Variants in CDH22 observed in about 807,000 individuals in gnomAD.
CDH22 encodes the protein cadherin 22.
In CDH22, 30 loss-of-function variants were observed where a neutral mutation model predicts 58.4. The observed-to-expected ratio is 0.51, with a 90% CI of 0.38 to 0.70. The LOEUF is 0.70. CDH22 is among the 30% of genes least tolerant of loss of function. CDH22 has a pLI of 0.00. For synonymous variants in CDH22, 513 were observed against 558.2 expected, an observed-to-expected ratio of 0.92 and a Z score of 1.14; for missense variants, 1,014 against 1,233.9, an observed-to-expected ratio of 0.82 and a Z score of 2.67.
intron 1 of CDH22, among the ~76,000 whole-genome samples, chr20:46,296,596 G>A (rs1436252331): frequency 1.3e-5 from 2 of 152,220 alleles, no homozygotes; most frequent in African/African-American, 4.8e-5. Context: ...GGTGAGCAAA[G>A]GTTTGCAGGT....
chr20:46,260,790 TTGTCATCTGGCTTTCCCC>T lies in CDH22; in HGVS notation c.-399-9115_-399-9098del, dbSNP rs2086429553. Among the ~76,000 whole-genome samples, 5 of 152,236 alleles carry T rather than the reference TTGTCATCTGGCTTTCCCC, an allele frequency of 3.3e-5. No homozygotes were observed. In the South Asian group the frequency reaches 8.3e-4, roughly 25 times the overall value. On this transcript the variant is annotated intron_variant, in intron 1 of 11. Transcript: ENST00000537909. ...CAGCTTGGTGGCTCCAGGCTCTCCCTTGTCATCTGGCTTTCCCCTGTCATCTGGCTTTCCGCCTATGGA... is the reference window on the plus strand; with the variant it reads ...CAGCTTGGTGGCTCCAGGCTCTCCCTTGTCATCTGGCTTTCCGCCTATGGA...
chr20:46,264,686 G>C (rs1024253616), intron 1 of CDH22, among the ~76,000 whole-genome samples: 1 of 152,100 alleles, frequency 6.6e-6, no homozygotes, highest in Admixed American at 6.5e-5. Context: ...TGCTGGAAAG[G>C]ACAGGCCTGC....
At chr20:46,306,342 G>GA (rs936148895) in intron 1 of CDH22, among the ~76,000 whole-genome samples, 64 of 152,256 alleles carry the variant, frequency 4.2e-4, no homozygotes, top group Non-Finnish European at 7.6e-4. Flanking sequence ...GCCAATCCTT[G>GA]AAAATGGAAA....
intron 1 of CDH22, among the ~76,000 whole-genome samples, chr20:46,306,663 G>A (rs552811803): frequency 6.6e-6 from 1 of 152,222 alleles, no homozygotes; most frequent in Non-Finnish European, 1.5e-5. Context: ...GAAATGGCTG[G>A]GGCAGGGAAC....
chr20:46,265,213 C>T (rs988084034), intron 1 of CDH22, among the ~76,000 whole-genome samples: 7 of 152,306 alleles, frequency 4.6e-5, no homozygotes, highest in South Asian at 4.1e-4. Context: ...TTTACAAACG[C>T]GTCCGGATGG....
At chr20:46,275,149 CA>C (rs2086511364) in intron 1 of CDH22, among the ~76,000 whole-genome samples, 2 of 152,290 alleles carry the variant, frequency 1.3e-5, no homozygotes, top group African/African-American at 2.4e-5. Flanking sequence ...GTACAAAAGC[CA>C]GTGTTTCTAT....
chr20:46,222,068 CCT>C (rs912359330), intron 4 of CDH22, among the ~76,000 whole-genome samples: 93 of 152,284 alleles, frequency 6.1e-4, no homozygotes, highest in Non-Finnish European at 5.7e-4. Context: ...CCTCTCTGAG[CCT>C]CTGTTTCCTC....
intron 6 of CDH22, among the ~76,000 whole-genome samples, chr20:46,211,306 T>G (rs574805508): frequency 2.0e-5 from 3 of 152,228 alleles, no homozygotes; most frequent in Admixed American, 2.0e-4. Context: ...GCGATCTGAT[T>G]GGCAAGAGTG....
At chr20:46,207,540 G>A (rs1200634456) in intron 7 of CDH22, among the ~76,000 whole-genome samples, 1 of 152,228 alleles carries the variant, frequency 6.6e-6, no homozygotes. Context: ...CCACCAGCCC[G>A]GGTGGAAGGG....
intron 1 of CDH22, among the ~76,000 whole-genome samples, chr20:46,268,388 G>A (rs1052999906): frequency 6.6e-6 from 1 of 152,248 alleles, no homozygotes; most frequent in Non-Finnish European, 1.5e-5. Context: ...GCAGCTCCCC[G>A]AGGTCCCAGC....
At chr20:46,181,768 T>C (rs796537269) in intron 10 of CDH22, among the ~76,000 whole-genome samples, 203 of 61,852 alleles carry the variant, frequency 3.3e-3, no homozygotes, top group African/African-American at 9.1e-3. Flanking sequence ...TCTTTCTTTC[T>C]TTCTTTCTTT....
chr20:46,201,093 C>T (rs896507513), intron 7 of CDH22, among the ~76,000 whole-genome samples: 6 of 152,250 alleles, frequency 3.9e-5, no homozygotes, highest in Non-Finnish European at 8.8e-5. Flanking sequence ...CGGCGGCGGC[C>T]CAGAGAGGCC....
chr20:46,282,848 C>A (rs2086557437), intron 1 of CDH22, among the ~76,000 whole-genome samples: 1 of 152,152 alleles, frequency 6.6e-6, no homozygotes, highest in South Asian at 2.1e-4. Context: ...TGGGCGTCAC[C>A]ATTTGTCAAC....
At position 46,187,002 on chromosome 20, in the gene CDH22, G is replaced by C. The variant is rs752709011; in HGVS notation, c.1424-55C>G. 22 of 1,518,160 alleles carry C rather than the reference G, an allele frequency of 1.4e-5. No homozygotes were observed. The Middle Eastern group carries it at 1.1e-3, about 74-fold the overall frequency. The allele number at this position is 1,518,160 out of a possible 1,614,324, so 94.0% of individuals were successfully genotyped here. A position where few individuals can be genotyped will look rare whatever the true frequency, so the allele number is the denominator to read the frequency against. ...AGGCATCAAGTGGGAGATCTAGATA[G>C]CCTCCTCTCTACTATGAGGACAATA... On this transcript the variant is annotated intron_variant, in intron 8 of 11. Transcript: ENST00000537909.
intron 2 of CDH22, among the ~76,000 whole-genome samples, chr20:46,243,213 C>T (rs2086304651): frequency 1.3e-5 from 2 of 152,246 alleles, no homozygotes; most frequent in South Asian, 4.1e-4. Context: ...CATCCCCTGC[C>T]ACGCAGGAGG....
intron 4 of CDH22, 94 bp downstream of exon 4, chr20:46,227,414 G>C: frequency 8.1e-7 from 1 of 1,229,418 alleles, no homozygotes; most frequent in Non-Finnish European, 1.1e-6. Context: ...TTCTGGGACA[G>C]AAGGCTCAGA....
chr20:46,280,031 G>A (rs995639130), intron 1 of CDH22, among the ~76,000 whole-genome samples: 15 of 152,170 alleles, frequency 9.9e-5, no homozygotes, highest in African/African-American at 3.6e-4. Flanking sequence ...TTTGTCCCAG[G>A]TCACATACGT....
intron 1 of CDH22, among the ~76,000 whole-genome samples, chr20:46,307,367 C>T (rs1317038344): frequency 4.6e-5 from 7 of 152,214 alleles, no homozygotes; most frequent in Non-Finnish European, 1.0e-4. Context: ...CCACACTGTG[C>T]CCACCCAGGG....
Position 46,241,084 on chromosome 20 carries a change from G to A in CDH22, c.429C>T (p.Ala143=), listed in dbSNP as rs1247931864. The change falls in exon 3 of 12, where the codon GCC becomes GCT. Residue 143 remains alanine (A), a synonymous_variant. Coordinates refer to ENST00000537909, the MANE Select transcript of CDH22 (RefSeq NM_021248.3). This position sits in a 1 kb window ranked among gnomAD's most constrained non-coding sequence, Gnocchi z 5.2. ...ACTCGGGCTCCAGTAGGCGGTTGGTGGCGCGATCCCGAGCCTGGGCCCGCA... is the reference window on the plus strand; with the variant it reads ...ACTCGGGCTCCAGTAGGCGGTTGGTAGCGCGATCCCGAGCCTGGGCCCGCA... The part of the protein sequence containing the change: ...YTLRAQARDR[A]TNRLLEPESE... 4 of 1,614,070 alleles carry A rather than the reference G, an allele frequency of 2.5e-6. No individual in the cohort carries two copies. The highest frequency in any genetic ancestry group is 1.7e-6 in the Non-Finnish European group (2 of 1,180,038).
Sources: gnomAD v4.1 joint callset for allele counts (sites outside exome capture counted in the v4.1 genomes callset) on GRCh38, gnomAD v4.1.1 for gene constraint, Gnocchi (gnomAD v3.1) non-coding constraint, MANE v1.5 for transcripts, NCBI Gene and HGNC (gene_info 2026-07-23, HGNC 2026-07-21) for gene names.